Variants in ATP8A1 observed in about 807,000 individuals in gnomAD.
ATP8A1 encodes ATPase phospholipid transporting 8A1, also known as phospholipid-transporting ATPase IA.
A neutral mutation model predicts 177.7 loss-of-function variants in ATP8A1; 90 were observed. That is an observed-to-expected ratio of 0.51 (90% CI 0.43 to 0.60). The LOEUF (loss-of-function observed/expected upper bound fraction) is 0.60. Ranked by LOEUF, ATP8A1 falls within the 20% of genes least tolerant of loss-of-function variation. The probability of loss-of-function intolerance (pLI) is 0.00; values close to 1 mark genes in which losing one functional copy is unlikely to be tolerated. For synonymous variants in ATP8A1, 493 were observed against 485.9 expected, an observed-to-expected ratio of 1.01 and a Z score of -0.19; for missense variants, 1,072 against 1,392.8, an observed-to-expected ratio of 0.77 and a Z score of 3.67.
At chr4:42,430,209 C>T (rs768622422) in intron 33 of ATP8A1, among the ~76,000 whole-genome samples, 3 of 152,122 alleles carry the variant, frequency 2.0e-5, no homozygotes, top group Non-Finnish European at 4.4e-5. Flanking sequence ...CCAGAATCTA[C>T]CCACTTCACG....
At chr4:42,541,645 G>A (rs764448483) in intron 20 of ATP8A1, among the ~76,000 whole-genome samples, 1 of 152,152 alleles carries the variant, frequency 6.6e-6, no homozygotes, top group Non-Finnish European at 1.5e-5. Flanking sequence ...GCAGGTGAAC[G>A]CATAAACTGT....
In ATP8A1 at chr4:42,430,073, G is replaced by A. The variant is rs182813453; in HGVS notation, c.3124-6368C>T. 3.0e-4 allele frequency among the ~76,000 whole-genome samples: 46 copies of A among 152,018 alleles called. 1 individual carries two copies. Among genetic ancestry groups the A allele is most frequent in the Non-Finnish European group, 1.0e-4 (7 of 67,970 alleles). ...GATGGTTGCACAATAATGTGAATAC[G>A]CTTAATGCCATTGAATTTACACTTA... On this transcript the variant is annotated intron_variant, in intron 33 of 36. Coordinates refer to ENST00000381668, the MANE Select transcript of ATP8A1 (RefSeq NM_006095.2).
chr4:42,656,560 T>C (rs1741645959), intron 1 of ATP8A1, among the ~76,000 whole-genome samples: 1 of 152,094 alleles, frequency 6.6e-6, no homozygotes, highest in Admixed American at 6.5e-5. Flanking sequence ...GCTCAGTGAC[T>C]GGGACCTAAT....
intron 29 of ATP8A1, 61 bp from the exon 30 acceptor site, chr4:42,452,120 C>T (rs2153178170): frequency 8.3e-7 from 1 of 1,202,448 alleles, no homozygotes. Context: ...TGAACTCTGA[C>T]CTTTCTTTTT....
chr4:42,496,174 A>G (rs1723252739), intron 24 of ATP8A1, among the ~76,000 whole-genome samples: 1 of 152,254 alleles, frequency 6.6e-6, no homozygotes, highest in South Asian at 2.1e-4. Context: ...GAGAGGCAGC[A>G]AAGTGCTGAA....
chr4:42,471,729 C>A (rs774200414), intron 25 of ATP8A1: 4 of 340,638 alleles, frequency 1.2e-5, no homozygotes, highest in Non-Finnish European at 2.3e-5. Context: ...TTATATTGAA[C>A]CTAGCACTGT....
chr4:42,558,405 G>A (rs1216421530), intron 15 of ATP8A1, among the ~76,000 whole-genome samples: 1 of 152,168 alleles, frequency 6.6e-6, no homozygotes, highest in Non-Finnish European at 1.5e-5. Context: ...AAGGCAGGGA[G>A]TATCACAGTT....
intron 33 of ATP8A1, among the ~76,000 whole-genome samples, chr4:42,440,915 G>A (rs535697262): frequency 1.4e-4 from 2 of 14,412 alleles, no homozygotes; most frequent in African/African-American, 3.3e-4. Flanking sequence ...ACACACTTAC[G>A]TACATAATTA....
At chr4:42,437,435 GA>G in intron 33 of ATP8A1, among the ~76,000 whole-genome samples, 1 of 152,134 alleles carries the variant, frequency 6.6e-6, no homozygotes, top group East Asian at 1.9e-4. Context: ...AGTCAGGTCT[GA>G]AAAAAAGTTC....
intron 33 of ATP8A1, among the ~76,000 whole-genome samples, chr4:42,440,533 T>C (rs28375394): frequency 0.38 from 58,213 of 151,786 alleles, 11,433 homozygotes; most frequent in Non-Finnish European, 0.43. Flanking sequence ...TGGGAGGGCA[T>C]GGGTTTCTGT....
intron 5 of ATP8A1, among the ~76,000 whole-genome samples, chr4:42,611,923 G>A (rs946891005): frequency 6.6e-6 from 1 of 152,232 alleles, no homozygotes; most frequent in African/African-American, 2.4e-5. Context: ...GTGCCAAAAT[G>A]TGAGTTCAAA....
At chr4:42,443,714 A>C (rs1716891537) in intron 32 of ATP8A1, 42 bp from the exon 33 acceptor site, 1 of 847,054 alleles carries the variant, frequency 1.2e-6, no homozygotes, top group Non-Finnish European at 2.1e-6. Flanking sequence ...TTTTATGTAG[A>C]CCGAGTACAC....
chr4:42,443,660 C>T lies in ATP8A1; in HGVS notation c.3028G>A (p.Ala1010Thr). Residue 1010 changes from alanine (A) to threonine (T), a missense_variant, in exon 33 of 37, where the codon GCG (alanine) becomes ACG (threonine). Ala to Thr is a moderately conservative substitution (Grantham distance 58). Transcript: ENST00000381668. ...CAGAGTGCGATGCTCCCCCATATCG[C>T]TATGTGGCTGAACTGTAGAGCAAGG... ...TSYWTWFSHI[A>T]IWGSIALWVV... 1 of 1,506,974 alleles carries T rather than the reference C, an allele frequency of 6.6e-7. No individual in the cohort carries two copies. The highest frequency in any genetic ancestry group is 1.1e-5 in the South Asian group (1 of 88,868). 93.4% of individuals were successfully genotyped at this position (1,506,974 alleles called of 1,614,324 possible). A position where few individuals can be genotyped will look rare whatever the true frequency, so the allele number is the denominator to read the frequency against.
chr4:42,477,997 A>G (rs1029805161), intron 25 of ATP8A1, among the ~76,000 whole-genome samples: 4 of 151,856 alleles, frequency 2.6e-5, no homozygotes, highest in African/African-American at 9.7e-5. Context: ...ACAAAAACAA[A>G]CAAAAAATAA....
chr4:42,535,776 CA>C (rs1224077871), intron 20 of ATP8A1, among the ~76,000 whole-genome samples: 1 of 152,142 alleles, frequency 6.6e-6, no homozygotes, highest in Non-Finnish European at 1.5e-5. Flanking sequence ...TCTTAGACCA[CA>C]GTGGAATCAA....
chr4:42,513,236 A>G (rs1725193927), intron 22 of ATP8A1, among the ~76,000 whole-genome samples: 1 of 152,150 alleles, frequency 6.6e-6, no homozygotes, highest in South Asian at 2.1e-4. Flanking sequence ...TTTTCCTTGC[A>G]GTTTCAAACT....
At chr4:42,608,750 G>A (rs1346205092) in intron 5 of ATP8A1, among the ~76,000 whole-genome samples, 1 of 152,176 alleles carries the variant, frequency 6.6e-6, no homozygotes, top group Non-Finnish European at 1.5e-5. Context: ...CACAGAAAAT[G>A]TAGTGTGCTC....
chr4:42,545,606 C>G (rs568375346), intron 19 of ATP8A1, among the ~76,000 whole-genome samples: 1 of 152,196 alleles, frequency 6.6e-6, no homozygotes. Context: ...CTTCTCCATT[C>G]TCCAAGTCTC....
chr4:42,542,815 GTC>G (rs1157020742), intron 20 of ATP8A1, among the ~76,000 whole-genome samples: 1 of 151,694 alleles, frequency 6.6e-6, no homozygotes, highest in Non-Finnish European at 1.5e-5. Flanking sequence ...ATGTGTTAAA[GTC>G]TCTCTTTATT....
Sources: gnomAD v4.1 joint callset for allele counts (sites outside exome capture counted in the v4.1 genomes callset) on GRCh38, gnomAD v4.1.1 for gene constraint, MANE v1.5 for transcripts, NCBI Gene and HGNC (gene_info 2026-07-23, HGNC 2026-07-21) for gene names.